POLN: variants seen among roughly 807,000 people sequenced by gnomAD.
The protein encoded by POLN is DNA polymerase N.
Under a neutral mutation model 113.5 loss-of-function variants are expected in POLN, and 108 were observed. The observed-to-expected ratio is 0.95, with a 90% confidence interval of 0.81 to 1.12. POLN has a LOEUF of 1.12. Among genes scored for constraint, POLN ranks in the 50% most tolerant of loss-of-function variants. POLN has a pLI of 0.00. For missense variants in POLN, 1,097 were observed against 1,077.1 expected (o/e 1.02, Z -0.26); for synonymous variants, 386 against 391.5 (o/e 0.99, Z 0.17).
chr4:2,131,021 A>C (rs559595435), intron 17 of POLN, among the ~76,000 whole-genome samples: 1 of 152,168 alleles, frequency 6.6e-6, no homozygotes, highest in Non-Finnish European at 1.5e-5. Flanking sequence ...CACAAAAAAT[A>C]CACACACATA....
chr4:2,121,452 A>AATATAT lies in POLN; in HGVS notation c.1982+6655_1982+6660dup, dbSNP rs1553895661. On this transcript the variant is annotated intron_variant, in intron 19 of 25. Transcript: ENST00000511885. Reference sequence around the variant, plus strand: ...TCTGTCTCAAAAAAAAAAAAAAAAAAATATATATATATATCCAGGGAAGCC... The same window carrying AATATAT: ...TCTGTCTCAAAAAAAAAAAAAAAAAAATATATATATATATATATATCCAGGGAAGCC... Among the ~76,000 whole-genome samples the AATATAT allele has an allele frequency of 1.0e-3, 127 of 125,550 alleles. 12 individuals are homozygous for AATATAT. Among genetic ancestry groups the AATATAT allele is most frequent in the Non-Finnish European group, 1.4e-3 (88 of 61,094 alleles). The allele number at this position is 125,550 out of a possible 152,430, so 82.4% of individuals were successfully genotyped here.
chr4:2,132,377 T>C (rs504682), intron 16 of POLN, among the ~76,000 whole-genome samples: 127,853 of 152,170 alleles, frequency 0.84, 54,324 homozygotes, highest in Non-Finnish European at 0.9. Context: ...AATTGTGTTC[T>C]CTTAGTTCCT....
intron 22 of POLN, 93 bp downstream of exon 22, chr4:2,081,540 G>GC: frequency 3.3e-6 from 4 of 1,209,794 alleles, no homozygotes; most frequent in Non-Finnish European, 4.8e-6. Context: ...AGGAAATACC[G>GC]CAACAGTGAT....
chr4:2,236,662 C>T (rs1734779153), intron 2 of POLN, among the ~76,000 whole-genome samples: 1 of 151,808 alleles, frequency 6.6e-6, no homozygotes, highest in South Asian at 2.1e-4. Flanking sequence ...AGTTCGAGAC[C>T]AGCCTGGGCA....
chr4:2,084,257 G>A (rs531072227), intron 21 of POLN, among the ~76,000 whole-genome samples: 5 of 152,326 alleles, frequency 3.3e-5, no homozygotes, highest in Non-Finnish European at 4.4e-5. Context: ...GGAGTGTCAC[G>A]TATGGTCTGG....
At chr4:2,222,711 T>TTTTTTTTTTTCCACAG (rs767594412) in intron 3 of POLN, among the ~76,000 whole-genome samples, 1 of 147,710 alleles carries the variant, frequency 6.8e-6, no homozygotes, top group Non-Finnish European at 1.5e-5. Context: ...TTTTTTTTTT[T>TTTTTTTTTTTCCACAG]TATTTTTCCA....
At chr4:2,089,656 C>CT (rs1730621882) in intron 20 of POLN, 1 of 745,874 alleles carries the variant, frequency 1.3e-6, no homozygotes, top group African/African-American at 1.8e-5. Context: ...ATTATCTGAA[C>CT]TTCCTAAACT....
chr4:2,237,661 T>C (rs1484978777), intron 2 of POLN, among the ~76,000 whole-genome samples: 1 of 152,202 alleles, frequency 6.6e-6, no homozygotes. Flanking sequence ...TCTTAACTAC[T>C]ACACATCTTA....
At chr4:2,146,044 G>GC (rs1360335736) in intron 16 of POLN, among the ~76,000 whole-genome samples, 2 of 58,730 alleles carry the variant, frequency 3.4e-5, no homozygotes, top group African/African-American at 7.0e-5. Context: ...CTTTAAAATA[G>GC]CAAAAAAAAG....
Position 2,085,855 on chromosome 4 carries a change from G to A in POLN, c.2066-111C>T, listed in dbSNP as rs1730537960. 1.9e-5 allele frequency: 27 copies of A among 1,458,488 alleles called. No individual in the cohort carries two copies. The South Asian group carries it at 3.3e-4, about 18-fold the overall frequency. 90.3% of individuals were successfully genotyped at this position (1,458,488 alleles called of 1,614,324 possible). A position where few individuals can be genotyped will look rare whatever the true frequency, so the allele number is the denominator to read the frequency against. On this transcript the variant is annotated intron_variant, in intron 20 of 25. Transcript: ENST00000511885. The stretch of plus-strand genomic sequence containing the variant: ...CAGCACTGGTCTTTTCTGATGGGTT[G>A]GGATGGAGTTGGCGTTGACTTTACA...
intron 20 of POLN, chr4:2,089,951 C>G: frequency 1.0e-6 from 1 of 972,366 alleles, no homozygotes; most frequent in South Asian, 1.4e-5. Context: ...AGTGAAAGTT[C>G]TTTTGTTAAC....
chr4:2,079,646 G>T, intron 23 of POLN: 1 of 969,830 alleles, frequency 1.0e-6, no homozygotes, highest in Non-Finnish European at 1.2e-6. Flanking sequence ...GTGCAGTGGT[G>T]CGATCTTGGC....
At chr4:2,202,783 T>G (rs1733750409) in intron 5 of POLN, among the ~76,000 whole-genome samples, 1 of 149,570 alleles carries the variant, frequency 6.7e-6, no homozygotes. Context: ...CAAAAGGCCT[T>G]GTCCAACAGG....
At chr4:2,090,914 A>C (rs555569125) in intron 20 of POLN, among the ~76,000 whole-genome samples, 1 of 152,174 alleles carries the variant, frequency 6.6e-6, no homozygotes. Context: ...TCTTTCTAGA[A>C]TTTCTCATTT....
chr4:2,153,133 C>G (rs1732334097), intron 16 of POLN, among the ~76,000 whole-genome samples: 3 of 152,208 alleles, frequency 2.0e-5, no homozygotes, highest in Admixed American at 2.0e-4. Flanking sequence ...GTCAGGTGAG[C>G]TGCAGGGATC....
At chr4:2,158,562 C>G (rs773197196) in intron 14 of POLN, among the ~76,000 whole-genome samples, 3 of 152,180 alleles carry the variant, frequency 2.0e-5, no homozygotes, top group African/African-American at 7.2e-5. Flanking sequence ...CCAATGTGCT[C>G]CCTCACAGCT....
intron 2 of POLN, among the ~76,000 whole-genome samples, chr4:2,235,250 T>G (rs957908902): frequency 1.3e-5 from 2 of 152,226 alleles, no homozygotes; most frequent in Non-Finnish European, 2.9e-5. Flanking sequence ...GCAGTGGAAA[T>G]TTTTACACAA....
intron 16 of POLN, among the ~76,000 whole-genome samples, chr4:2,134,181 G>C (rs1161598331): frequency 6.6e-6 from 1 of 152,088 alleles, no homozygotes; most frequent in African/African-American, 2.4e-5. Context: ...CCTTTTTATG[G>C]CTTTGTAGCT....
At chr4:2,239,887 T>G in intron 2 of POLN, 1 of 644,414 alleles carries the variant, frequency 1.6e-6, no homozygotes, top group Non-Finnish European at 2.7e-6. Context: ...GTATGAAACA[T>G]TGACACAGAT....
Sources: gnomAD v4.1 joint callset for allele counts (sites outside exome capture counted in the v4.1 genomes callset) on GRCh38, gnomAD v4.1.1 for gene constraint, MANE v1.5 for transcripts, NCBI Gene and HGNC (gene_info 2026-07-23, HGNC 2026-07-21) for gene names.